The following TRIM23 variants were observed in gnomAD, a reference collection of about 807,000 sequenced individuals.
The protein encoded by TRIM23 is E3 ubiquitin-protein ligase TRIM23.
Under a neutral mutation model 71.0 loss-of-function variants are expected in TRIM23, and 27 were observed. That is an observed-to-expected ratio of 0.38 (90% CI 0.28 to 0.52). TRIM23 has a LOEUF of 0.52. Among genes scored for constraint, TRIM23 ranks in the 20% least tolerant of loss-of-function variants. The pLI, the probability that TRIM23 is intolerant of heterozygous loss-of-function variation, is 0.84. For synonymous variants in TRIM23, 234 were observed against 238.0 expected (o/e 0.98, Z 0.16); for missense variants, 482 against 692.3 (o/e 0.70, Z 3.41).
At chr5:65,605,820 T>A (rs1201286375) in intron 6 of TRIM23, among the ~76,000 whole-genome samples, 3 of 152,206 alleles carry the variant, frequency 2.0e-5, no homozygotes, top group African/African-American at 7.2e-5. Flanking sequence ...TAGATACTCA[T>A]GTTAGTTGAC....
At chr5:65,598,379 C>G (rs769456253) in intron 7 of TRIM23, among the ~76,000 whole-genome samples, 17 of 152,194 alleles carry the variant, frequency 1.1e-4, no homozygotes, top group Non-Finnish European at 2.1e-4. Context: ...TCATCCCTGC[C>G]CTTCCCCATA....
Position 65,618,272 on chromosome 5 carries a change from A to C in TRIM23, c.82-17T>G, listed in dbSNP as rs1336314244. ...CTCTAGCACCTAATATTTGAAAAGG[A>C]AGGATGTGCTCTTTAAACAATTTTA... is the stretch of plus-strand genomic sequence containing the variant. On this transcript the variant is annotated splice_polypyrimidine_tract_variant and intron_variant, in intron 1 of 10. Coordinates refer to ENST00000231524, the MANE Select transcript of TRIM23 (RefSeq NM_001656.4). The C allele has an allele frequency of 6.2e-7, 1 of 1,600,536 alleles. No homozygotes were observed. The highest frequency in any genetic ancestry group is 8.5e-7 in the Non-Finnish European group (1 of 1,174,908).
At position 65,591,279 on chromosome 5, in the gene TRIM23, T is replaced by C; in HGVS notation, c.*490A>G. On this transcript the variant is annotated 3_prime_UTR_variant, in exon 11 of 11. Coordinates refer to ENST00000231524, the MANE Select transcript of TRIM23 (RefSeq NM_001656.4). ...AATCCTATTATCCAAATATGTAGTT[T>C]GGATTCTATTTCATTAAGCAACTGT... is the stretch of plus-strand genomic sequence containing the variant. The C allele has an allele frequency of 1.5e-6, 2 of 1,360,594 alleles. No homozygotes were observed. The highest frequency in any genetic ancestry group is 1.9e-6 in the Non-Finnish European group (2 of 1,058,962). 84.3% of individuals were successfully genotyped at this position (1,360,594 alleles called of 1,614,324 possible). A position where few individuals can be genotyped will look rare whatever the true frequency, so the allele number is the denominator to read the frequency against.
At chr5:65,620,248 A>G (rs1457828901) in intron 1 of TRIM23, among the ~76,000 whole-genome samples, 1 of 152,180 alleles carries the variant, frequency 6.6e-6, no homozygotes, top group Admixed American at 6.5e-5. Context: ...TACAGCTTCT[A>G]TGGAGGGCAA....
chr5:65,604,128 C>T (rs977011444), intron 7 of TRIM23, among the ~76,000 whole-genome samples: 2 of 151,984 alleles, frequency 1.3e-5, no homozygotes. Context: ...CAGGGTTTTG[C>T]TCTTGTTACC....
intron 1 of TRIM23, among the ~76,000 whole-genome samples, chr5:65,623,218 G>A (rs907784872): frequency 3.9e-5 from 6 of 152,140 alleles, no homozygotes; most frequent in Admixed American, 1.3e-4. Flanking sequence ...ATATTACCTT[G>A]ATCAGTAATT....
chr5:65,607,511 G>C (rs1363025858), intron 6 of TRIM23, among the ~76,000 whole-genome samples: 1 of 152,074 alleles, frequency 6.6e-6, no homozygotes, highest in African/African-American at 2.4e-5. Flanking sequence ...CAAGGTGCTT[G>C]CTTCCCCTTC....
intron 3 of TRIM23, among the ~76,000 whole-genome samples, chr5:65,612,222 T>C (rs2150636640): frequency 6.6e-6 from 1 of 152,326 alleles, no homozygotes; most frequent in South Asian, 2.1e-4. Context: ...CAAAAGTCTT[T>C]CTGTAAAACT....
chr5:65,613,684 T>C (rs1382491434), intron 3 of TRIM23: 1 of 1,139,520 alleles, frequency 8.8e-7, no homozygotes, highest in Non-Finnish European at 1.1e-6. Flanking sequence ...AAGTTACTGC[T>C]ATCTTTAAGG....
intron 6 of TRIM23, among the ~76,000 whole-genome samples, chr5:65,608,883 G>C (rs920160996): frequency 2.6e-5 from 4 of 151,614 alleles, no homozygotes; most frequent in South Asian, 2.1e-4. Flanking sequence ...ATTTAAGCTG[G>C]ACCTTGAAGG....
intron 10 of TRIM23, 106 bp from the exon 11 acceptor site, chr5:65,592,054 A>G: frequency 9.2e-7 from 1 of 1,083,128 alleles, no homozygotes; most frequent in Non-Finnish European, 1.3e-6. Context: ...ACAGAAGCCT[A>G]AACAAAAAAC....
intron 7 of TRIM23, among the ~76,000 whole-genome samples, chr5:65,599,194 TTAGAA>T (rs1012988773): frequency 6.6e-6 from 1 of 152,076 alleles, no homozygotes; most frequent in Non-Finnish European, 1.5e-5. Flanking sequence ...AAAAGACCTA[TTAGAA>T]TAAAGTCAAC....
Position 65,611,596 on chromosome 5 carries a change from T to C in TRIM23, c.645+7A>G. The C allele has an allele frequency of 6.2e-7, 1 of 1,609,910 alleles. No homozygotes were observed. The highest frequency in any genetic ancestry group is 1.1e-5 in the South Asian group (1 of 90,916). The stretch of plus-strand genomic sequence containing the variant: ...GTGATCCAACTGATTAATAATTAAA[T>C]TCATACCTTGTGACCCTGGTGTTTT... On this transcript the variant is annotated splice_region_variant and intron_variant, in intron 4 of 10. Transcript: ENST00000231524.
intron 6 of TRIM23, among the ~76,000 whole-genome samples, chr5:65,605,928 T>C (rs1490407374): frequency 6.6e-6 from 1 of 152,204 alleles, no homozygotes; most frequent in Non-Finnish European, 1.5e-5. Context: ...ACAAATCCTT[T>C]TGAACATCCA....
intron 2 of TRIM23, among the ~76,000 whole-genome samples, chr5:65,615,380 T>C (rs1253089397): frequency 3.9e-5 from 6 of 152,246 alleles, no homozygotes; most frequent in Admixed American, 6.5e-5. Context: ...TCAGATCCTT[T>C]AGCAGAAGGA....
chr5:65,592,028 T>G lies in TRIM23; in HGVS notation c.1546-80A>C, dbSNP rs969268160. On this transcript the variant is annotated intron_variant, in intron 10 of 10. Transcript: ENST00000231524. ...AATTATCACCATTTATAGAGAAATT[T>G]GTTGACAGTGTTCTAACAGAAGCCT... The G allele has an allele frequency of 5.1e-6, 7 of 1,363,796 alleles. No homozygotes were observed. The African/African-American group carries it at 8.7e-5, about 17-fold the overall frequency. 84.5% of individuals were successfully genotyped at this position (1,363,796 alleles called of 1,614,324 possible). A position where few individuals can be genotyped will look rare whatever the true frequency, so the allele number is the denominator to read the frequency against.
Position 65,624,191 on chromosome 5 carries a change from C to T in TRIM23, c.81+3G>A. ...GGAGAATAGAGCACGCAAGGTCCCTCACCTTCACTACAGCTGTCCCCCGGC... is the reference window on the plus strand; with the variant it reads ...GGAGAATAGAGCACGCAAGGTCCCTTACCTTCACTACAGCTGTCCCCCGGC... On this transcript the variant is annotated splice_donor_region_variant and intron_variant, in intron 1 of 10. Transcript: ENST00000231524. 1.2e-6 allele frequency: 2 copies of T among 1,614,210 alleles called. No homozygotes were observed. The highest frequency in any genetic ancestry group is 1.7e-6 in the Non-Finnish European group (2 of 1,180,024).
At chr5:65,598,637 T>C (rs1754274589) in intron 7 of TRIM23, among the ~76,000 whole-genome samples, 1 of 151,558 alleles carries the variant, frequency 6.6e-6, no homozygotes, top group Non-Finnish European at 1.5e-5. Context: ...TAATCTCAGC[T>C]ACAAGGAGGC....
Position 65,592,441 on chromosome 5 carries a change from G to A in TRIM23, c.1546-493C>T, listed in dbSNP as rs147374532. Among the ~76,000 whole-genome samples the A allele has an allele frequency of 1.8e-4, 28 of 152,096 alleles. No individual in the cohort carries two copies. The East Asian group carries it at 5.4e-3, about 29-fold the overall frequency. ...GAGGTTTCACCATGTTAGTCAGGCT[G>A]GTCTCGAACTCCTGACCTCAAGTGA... On this transcript the variant is annotated intron_variant, in intron 10 of 10. Coordinates refer to ENST00000231524, the MANE Select transcript of TRIM23 (RefSeq NM_001656.4).
Sources: gnomAD v4.1 joint callset for allele counts (sites outside exome capture counted in the v4.1 genomes callset) on GRCh38, gnomAD v4.1.1 for gene constraint, MANE v1.5 for transcripts, NCBI Gene and HGNC (gene_info 2026-07-23, HGNC 2026-07-21) for gene names.